The following TGFB2 variants were observed in gnomAD, a reference collection of about 807,000 sequenced individuals.
The protein encoded by TGFB2 is transforming growth factor beta-2 proprotein.
In TGFB2, 13 loss-of-function variants were observed where a neutral mutation model predicts 42.7. The ratio of observed to expected loss-of-function variants is 0.30; its 90% confidence interval spans 0.20 to 0.48. TGFB2 has a LOEUF of 0.48. TGFB2 is among the 20% of genes least tolerant of loss of function. The pLI is 0.99. For missense variants in TGFB2, 390 were observed against 517.5 expected, an observed-to-expected ratio of 0.75 and a Z score of 2.39; for synonymous variants, 193 against 193.6, an observed-to-expected ratio of 1.00 and a Z score of 0.03.
chr1:218,427,722 C>A (rs1270987403), intron 2 of TGFB2, among the ~76,000 whole-genome samples: 2 of 152,146 alleles, frequency 1.3e-5, no homozygotes, highest in Non-Finnish European at 2.9e-5. Flanking sequence ...TTTTCTTAAT[C>A]CAGTCTATCA....
At position 218,346,649 on chromosome 1, in the gene TGFB2, CT is replaced by C. The variant is rs200186989; in HGVS notation, c.-45del. On this transcript the variant is annotated 5_prime_UTR_variant, in exon 1 of 7. Transcript: ENST00000366930. This position sits in a 1 kb window ranked among gnomAD's most constrained non-coding sequence, Gnocchi z 4.9. Reference sequence around the variant, plus strand: ...TCTATACTTTGAGAATTGTTGATTTCTTTTTTTTATTCTGACTTTTAAAAAC... The same window carrying C: ...TCTATACTTTGAGAATTGTTGATTTCTTTTTTTATTCTGACTTTTAAAAAC... 3.5e-3 allele frequency: 5,202 copies of C among 1,474,112 alleles called. 18 individuals carry two copies. The highest frequency in any genetic ancestry group is 7.0e-3 in the Admixed American group (310 of 44,368). 91.3% of individuals were successfully genotyped at this position (1,474,112 alleles called of 1,614,324 possible).
chr1:218,357,085 G>A (rs1390046863), intron 1 of TGFB2, among the ~76,000 whole-genome samples: 2 of 151,990 alleles, frequency 1.3e-5, no homozygotes, highest in African/African-American at 2.4e-5. Context: ...GGTGGTAGGC[G>A]CCTGTAATCC....
intron 1 of TGFB2, among the ~76,000 whole-genome samples, chr1:218,362,677 C>T (rs1464733074): frequency 6.6e-6 from 1 of 152,114 alleles, no homozygotes; most frequent in African/African-American, 2.4e-5. Context: ...GCTTTCTTTT[C>T]TAAGAATATG....
intron 1 of TGFB2, among the ~76,000 whole-genome samples, chr1:218,352,263 A>G (rs1345069211): frequency 6.6e-6 from 1 of 151,950 alleles, no homozygotes; most frequent in Non-Finnish European, 1.5e-5. Context: ...GCTCCCGGAG[A>G]GAGGATTTGG....
intron 2 of TGFB2, among the ~76,000 whole-genome samples, chr1:218,408,816 T>A (rs1659000347): frequency 6.6e-6 from 1 of 152,164 alleles, no homozygotes; most frequent in Non-Finnish European, 1.5e-5. Flanking sequence ...CAGGGACCAG[T>A]TTTGTGGAAT....
chr1:218,424,740 A>G (rs1659564523), intron 2 of TGFB2, among the ~76,000 whole-genome samples: 1 of 152,228 alleles, frequency 6.6e-6, no homozygotes, highest in Non-Finnish European at 1.5e-5. Flanking sequence ...TGTGAATAAG[A>G]ACAAAGGTTT....
At chr1:218,384,488 A>G (rs2102570444) in intron 1 of TGFB2, among the ~76,000 whole-genome samples, 1 of 152,358 alleles carries the variant, frequency 6.6e-6, no homozygotes, top group African/African-American at 2.4e-5. Context: ...TGTACCACTT[A>G]TTAGCTGTGT....
At chr1:218,384,640 G>T (rs1423170542) in intron 1 of TGFB2, among the ~76,000 whole-genome samples, 1 of 152,138 alleles carries the variant, frequency 6.6e-6, no homozygotes, top group Non-Finnish European at 1.5e-5. Flanking sequence ...GTTATTCTTG[G>T]CCCTGTACAT....
intron 1 of TGFB2, among the ~76,000 whole-genome samples, chr1:218,401,729 A>G (rs1481846256): frequency 6.6e-6 from 1 of 152,164 alleles, no homozygotes; most frequent in Non-Finnish European, 1.5e-5. Flanking sequence ...GAAGCAGAGG[A>G]AAAAGCTCCA....
intron 1 of TGFB2, among the ~76,000 whole-genome samples, chr1:218,369,602 T>C (rs1004817346): frequency 4.6e-5 from 7 of 152,146 alleles, no homozygotes; most frequent in Admixed American, 2.6e-4. Flanking sequence ...GGGTCTCCCA[T>C]CTTGTGCTCA....
At chr1:218,397,523 C>A (rs2102586175) in intron 1 of TGFB2, among the ~76,000 whole-genome samples, 1 of 148,822 alleles carries the variant, frequency 6.7e-6, no homozygotes, top group African/African-American at 2.5e-5. Context: ...GAGATCGCGC[C>A]ACTGCACTCC....
rs1660113975 is a variant in TGFB2, at chr1:218,440,379, A to G, written c.1087-825A>G. 2.0e-5 allele frequency among the ~76,000 whole-genome samples: 3 copies of G among 151,994 alleles called. No homozygotes were observed. The South Asian group carries it at 6.2e-4, about 32-fold the overall frequency. On this transcript the variant is annotated intron_variant, in intron 6 of 6. Coordinates refer to ENST00000366930, the MANE Select transcript of TGFB2 (RefSeq NM_003238.6). ...TTTTAATGAAAATTGAGGATACCTT[A>G]AATTGGCCTGAGGAGACACTTAACG...
intron 1 of TGFB2, among the ~76,000 whole-genome samples, chr1:218,365,835 C>T (rs1312767599): frequency 4.6e-5 from 7 of 152,188 alleles, no homozygotes; most frequent in Non-Finnish European, 1.0e-4. Flanking sequence ...CAGGGCCATC[C>T]CTGTCACCTT....
intron 1 of TGFB2, among the ~76,000 whole-genome samples, chr1:218,388,317 G>A (rs549125484): frequency 2.0e-5 from 3 of 151,638 alleles, no homozygotes; most frequent in African/African-American, 7.3e-5. Context: ...GGGAAGAGAG[G>A]TCACAGTTGG....
intron 1 of TGFB2, among the ~76,000 whole-genome samples, chr1:218,373,914 G>T (rs1657656354): frequency 6.6e-6 from 1 of 152,182 alleles, no homozygotes; most frequent in African/African-American, 2.4e-5. Context: ...GCAGGCAGTA[G>T]AACCCAAGGG....
chr1:218,403,265 A>G (rs1297969745), intron 1 of TGFB2, among the ~76,000 whole-genome samples: 8 of 152,152 alleles, frequency 5.3e-5, no homozygotes. Flanking sequence ...TAAAGCCTCA[A>G]TTCACACAGT....
At chr1:218,375,586 A>G (rs1390548390) in intron 1 of TGFB2, among the ~76,000 whole-genome samples, 1 of 152,174 alleles carries the variant, frequency 6.6e-6, no homozygotes, top group Non-Finnish European at 1.5e-5. Context: ...AGACTTTAGC[A>G]TTTTTGCTTT....
chr1:218,381,245 T>C (rs1322287772), intron 1 of TGFB2, among the ~76,000 whole-genome samples: 1 of 134,058 alleles, frequency 7.5e-6, no homozygotes, highest in African/African-American at 2.7e-5. Flanking sequence ...GGCACATTTT[T>C]GTTTTTGTTT....
At position 218,345,506 on chromosome 1, in the gene TGFB2, G is replaced by A. The variant is rs1656631412; in HGVS notation, c.-1196G>A. On this transcript the variant is annotated 5_prime_UTR_variant, in exon 1 of 7. Coordinates refer to ENST00000366930, the MANE Select transcript of TGFB2 (RefSeq NM_003238.6). ...GGGGATGGAGAATATTAGCCTGACG[G>A]TCTAGGGAGTCATCCAGGAACAAAC... The A allele has an allele frequency of 6.5e-6, 1 of 153,092 alleles. No homozygotes were observed. The highest frequency in any genetic ancestry group is 1.5e-5 in the Non-Finnish European group (1 of 68,788). 9.5% of individuals were successfully genotyped at this position (153,092 alleles called of 1,614,324 possible). A position where few individuals can be genotyped will look rare whatever the true frequency, so the allele number is the denominator to read the frequency against.
Sources: allele counts gnomAD v4.1 joint callset (sites outside exome capture counted in the v4.1 genomes callset), GRCh38; gene constraint gnomAD v4.1.1; non-coding constraint Gnocchi (gnomAD v3.1); transcripts MANE v1.5; gene names NCBI Gene and HGNC (gene_info 2026-07-23, HGNC 2026-07-21).